The following LIFR variants were observed in gnomAD, a reference collection of about 807,000 sequenced individuals.
LIFR encodes leukemia inhibitory factor receptor.
A neutral mutation model predicts 122.2 loss-of-function variants in LIFR; 84 were observed. That is an observed-to-expected ratio of 0.69 (90% confidence interval 0.58 to 0.82). LIFR has a LOEUF of 0.82. LIFR is among the 40% of genes least tolerant of loss of function. LIFR has a pLI of 0.00. For missense variants in LIFR, 1,294 were observed against 1,311.6 expected (o/e 0.99, Z 0.21); for synonymous variants, 422 against 434.7 (o/e 0.97, Z 0.36).
rs7727565 is a variant in LIFR at position 38,523,207 on chromosome 5, C to T, written c.561+212G>A. On this transcript the variant is annotated intron_variant, in intron 5 of 19. Transcript: ENST00000453190. ...GGTAGAATCACGGCTTATTTCTCCC[C>T]TAATTTCCTATGCTATCTGTAATGG... 0.031 allele frequency among the ~76,000 whole-genome samples: 4,657 copies of T among 152,238 alleles called. 277 individuals are homozygous for T. Among genetic ancestry groups the T allele is most frequent in the African/African-American group, 0.11 (4,382 of 41,554 alleles).
chr5:38,528,210 C>T (rs1746793822), intron 3 of LIFR, among the ~76,000 whole-genome samples: 1 of 152,232 alleles, frequency 6.6e-6, no homozygotes, highest in South Asian at 2.1e-4. Context: ...TACACCTCCT[C>T]TGACAGCCTT....
intron 1 of LIFR, among the ~76,000 whole-genome samples, chr5:38,533,714 G>A (rs1482807717): frequency 6.6e-6 from 1 of 152,160 alleles, no homozygotes; most frequent in African/African-American, 2.4e-5. Context: ...TGGCGGTGGT[G>A]GGGACAGGTA....
At chr5:38,484,707 C>T in intron 18 of LIFR, 68 bp downstream of exon 18, 1 of 1,026,114 alleles carries the variant, frequency 9.7e-7, no homozygotes, top group East Asian at 2.4e-5. Flanking sequence ...AATACATAAA[C>T]TAATCTTACA....
chr5:38,604,897 C>T (rs1166777928), intron 2 of LIFR, among the ~76,000 whole-genome samples: 1 of 152,038 alleles, frequency 6.6e-6, no homozygotes, highest in East Asian at 1.9e-4. Context: ...GGCAAGACAA[C>T]TCAAAGGGAG....
At chr5:38,503,855 G>C in intron 10 of LIFR, 121 bp downstream of exon 10, 1 of 744,016 alleles carries the variant, frequency 1.3e-6, no homozygotes, top group Admixed American at 2.3e-5. Context: ...TGTCTTTCTT[G>C]GTTCTTAGTA....
intron 7 of LIFR, among the ~76,000 whole-genome samples, chr5:38,507,745 G>A (rs949070753): frequency 6.7e-6 from 1 of 150,328 alleles, no homozygotes; most frequent in South Asian, 2.1e-4. Context: ...AAAACTACTT[G>A]TTTAAAAATT....
chr5:38,588,397 C>T (rs1395673336), intron 1 of LIFR, among the ~76,000 whole-genome samples: 2 of 152,178 alleles, frequency 1.3e-5, no homozygotes, highest in African/African-American at 4.8e-5. Flanking sequence ...ACACTGTATG[C>T]AGGATGATGA....
chr5:38,491,721 C>T lies in LIFR; in HGVS notation c.2066-1430G>A, dbSNP rs186543300. Among the ~76,000 whole-genome samples the T allele has an allele frequency of 3.2e-3, 483 of 152,326 alleles. 4 individuals are homozygous for T. The highest frequency in any genetic ancestry group is 6.8e-3 in the Middle Eastern group (2 of 294). ...CCCAAGAAAAACTGAATCAACTTGT[C>T]TAAAATATTAACTTTTCTTCTTGTA... is the stretch of plus-strand genomic sequence containing the variant. On this transcript the variant is annotated intron_variant, in intron 14 of 19. Coordinates refer to ENST00000453190, the MANE Select transcript of LIFR (RefSeq NM_001127671.2).
chr5:38,496,593 A>G lies in LIFR; in HGVS notation c.1674T>C (p.Pro558=), dbSNP rs1744891500. The G allele has an allele frequency of 1.9e-6, 3 of 1,606,648 alleles. 1 individual carries two copies. The highest frequency in any genetic ancestry group is 3.3e-5 in the Admixed American group (2 of 60,006). The change falls in exon 13 of 20, where the codon CCT becomes CCC. Residue 558 remains proline, a splice_region_variant and synonymous_variant. Coordinates refer to ENST00000453190, the MANE Select transcript of LIFR (RefSeq NM_001127671.2). ...TTCCATTAGCTTCATTAATGGGTAA[A>G]GGCTATGAAAAACAGACAAATTGTT... ...DGKNLIIYWK[P]LPINEANGKI...
intron 3 of LIFR, among the ~76,000 whole-genome samples, chr5:38,528,408 C>CCCCTTCT (rs1746806109): frequency 6.6e-6 from 1 of 152,138 alleles, no homozygotes; most frequent in Non-Finnish European, 1.5e-5. Flanking sequence ...ACACTAAGAC[C>CCCCTTCT]GTCCTTCCCT....
Position 38,510,668 on chromosome 5 carries a change from C to A in LIFR, c.787G>T (p.Val263Leu). The A allele has an allele frequency of 6.2e-7, 1 of 1,613,674 alleles. No homozygotes were observed. Among genetic ancestry groups the A allele is most frequent in the Non-Finnish European group, 8.5e-7 (1 of 1,179,690 alleles). Reference protein sequence around the residue: ...KVFPQDKVILVGSDITFCCVS... With the variant: ...KVFPQDKVILLGSDITFCCVS... ...CAACAAAATGTTATGTCTGAGCCTACAAGTATCACTTTATCTTGAGGAAAA... is the reference window on the plus strand; with the variant it reads ...CAACAAAATGTTATGTCTGAGCCTAAAAGTATCACTTTATCTTGAGGAAAA... Residue 263 changes from valine (V) to leucine (L), a missense_variant, in exon 7 of 20, where the codon GTA becomes TTA. By Grantham distance (32) the Val-to-Leu change is conservative (BLOSUM62 1). Coordinates refer to ENST00000453190, the MANE Select transcript of LIFR (RefSeq NM_001127671.2).
upstream of LIFR, chr5:38,558,205 TG>T (rs2112683810): frequency 6.9e-6 from 1 of 145,370 alleles, no homozygotes; most frequent in Non-Finnish European, 1.6e-5. Context: ...TGTGTGTATA[TG>T]TATATATATT....
intron 1 of LIFR, among the ~76,000 whole-genome samples, chr5:38,565,062 T>C (rs2015182): frequency 0.33 from 50,908 of 152,084 alleles, 10,074 homozygotes; most frequent in Middle Eastern, 0.49. Context: ...GTGTGAGCTT[T>C]CATCTTTATT....
chr5:38,554,470 C>T (rs1748406895), intron 1 of LIFR, among the ~76,000 whole-genome samples: 1 of 152,282 alleles, frequency 6.6e-6, no homozygotes, highest in East Asian at 1.9e-4. Flanking sequence ...TAGAAACAAC[C>T]TACATATATC....
At chr5:38,528,885 C>T (rs767406310) in intron 2 of LIFR, 45 bp from the exon 3 acceptor site, 7 of 959,880 alleles carry the variant, frequency 7.3e-6, no homozygotes, top group African/African-American at 6.6e-5. Flanking sequence ...CACAGACACA[C>T]ATAAACACAG....
chr5:38,580,004 T>C (rs776915723), intron 1 of LIFR, among the ~76,000 whole-genome samples: 2 of 152,236 alleles, frequency 1.3e-5, no homozygotes, highest in Non-Finnish European at 2.9e-5. Context: ...CTCATTACTA[T>C]GTTTGGAATT....
chr5:38,535,126 C>T (rs1747225952), intron 1 of LIFR, among the ~76,000 whole-genome samples: 1 of 152,156 alleles, frequency 6.6e-6, no homozygotes, highest in Non-Finnish European at 1.5e-5. Flanking sequence ...ATCCATACAA[C>T]TGGAGTCAGA....
intron 5 of LIFR, among the ~76,000 whole-genome samples, chr5:38,522,975 G>C (rs1423685203): frequency 6.6e-6 from 1 of 151,868 alleles, no homozygotes; most frequent in Non-Finnish European, 1.5e-5. Context: ...AAACGAGAGA[G>C]GGAAAAAGCA....
Position 38,530,514 on chromosome 5 carries a change from T to C in LIFR, c.134A>G (p.Gln45Arg), listed in dbSNP as rs1477396217. Reference sequence around the variant, plus strand: ...AAGGCTGATGCACTTACCCTTTTTCTGGCTATTTACTTGATTCATTAGATA... The same window carrying C: ...AAGGCTGATGCACTTACCCTTTTTCCGGCTATTTACTTGATTCATTAGATA... Reference protein sequence around the residue: ...LLYLMNQVNSQKKGAPHDLKC... With the variant: ...LLYLMNQVNSRKKGAPHDLKC... Residue 45 changes from glutamine to arginine, a missense_variant, in exon 2 of 20, where the codon CAG (glutamine) becomes CGG (arginine). By Grantham distance (43) the Gln-to-Arg change is conservative. Transcript: ENST00000453190. 3 of 1,612,528 alleles carry C rather than the reference T, an allele frequency of 1.9e-6. No homozygotes were observed. The highest frequency in any genetic ancestry group is 2.5e-6 in the Non-Finnish European group (3 of 1,178,672).
Sources: gnomAD v4.1 joint callset for allele counts (sites outside exome capture counted in the v4.1 genomes callset) on GRCh38, gnomAD v4.1.1 for gene constraint, MANE v1.5 for transcripts, NCBI Gene and HGNC (gene_info 2026-07-23, HGNC 2026-07-21) for gene names.